Variants in GUCY1A2 observed in about 807,000 individuals in gnomAD.
The protein encoded by GUCY1A2 is guanylate cyclase soluble subunit alpha-2.
In GUCY1A2, 27 loss-of-function variants were observed where a neutral mutation model predicts 63.5. The observed-to-expected ratio is 0.43, with a 90% confidence interval of 0.31 to 0.59. The LOEUF is 0.59. Ranked by LOEUF, GUCY1A2 falls within the 20% of genes least tolerant of loss-of-function variation. GUCY1A2 has a pLI of 0.11. For synonymous variants in GUCY1A2, 364 were observed against 343.5 expected (o/e 1.06, Z -0.66); for missense variants, 768 against 913.3 (o/e 0.84, Z 2.05).
intron 6 of GUCY1A2, among the ~76,000 whole-genome samples, chr11:106,737,119 G>A (rs992078198): frequency 6.6e-6 from 1 of 152,106 alleles, no homozygotes; most frequent in Admixed American, 6.6e-5. Context: ...CATTGTAGAC[G>A]CACATTTTGA....
intron 6 of GUCY1A2, among the ~76,000 whole-genome samples, chr11:106,736,951 T>A (rs554873091): frequency 3.3e-5 from 5 of 152,112 alleles, no homozygotes; most frequent in Non-Finnish European, 2.9e-5. Flanking sequence ...TACCACCACA[T>A]TGCTCTCAGG....
intron 6 of GUCY1A2, among the ~76,000 whole-genome samples, chr11:106,713,510 T>C (rs1211820090): frequency 1.5e-5 from 2 of 135,014 alleles, no homozygotes; most frequent in Admixed American, 1.5e-4. Context: ...TTTTTTTTTT[T>C]TTTTTTTTTT....
intron 7 of GUCY1A2, among the ~76,000 whole-genome samples, chr11:106,705,753 G>T (rs545697585): frequency 6.6e-6 from 1 of 152,062 alleles, no homozygotes; most frequent in Non-Finnish European, 1.5e-5. Flanking sequence ...CCAGCTACTT[G>T]GGAGGCTAAG....
chr11:106,981,729 G>A (rs527535182), intron 2 of GUCY1A2, among the ~76,000 whole-genome samples: 41 of 148,988 alleles, frequency 2.8e-4, no homozygotes, highest in Non-Finnish European at 4.9e-4. Flanking sequence ...TCTAGAGACA[G>A]AAATTTCAGT....
At chr11:106,780,964 G>GTGTT (rs1864448768) in intron 5 of GUCY1A2, among the ~76,000 whole-genome samples, 1 of 152,198 alleles carries the variant, frequency 6.6e-6, no homozygotes, top group Admixed American at 6.5e-5. Flanking sequence ...ATATGTGGAA[G>GTGTT]TGTTAGTGGA....
At chr11:106,780,804 T>C (rs1317484788) in intron 5 of GUCY1A2, among the ~76,000 whole-genome samples, 1 of 152,198 alleles carries the variant, frequency 6.6e-6, no homozygotes, top group African/African-American at 2.4e-5. Flanking sequence ...TAATATATCT[T>C]TGTGATTTTT....
At chr11:106,694,611 A>G (rs994556506) in intron 7 of GUCY1A2, among the ~76,000 whole-genome samples, 2 of 152,186 alleles carry the variant, frequency 1.3e-5, no homozygotes, top group African/African-American at 4.8e-5. Context: ...TGTCAAGAAA[A>G]TGGCCCAGTA....
intron 5 of GUCY1A2, among the ~76,000 whole-genome samples, chr11:106,798,334 T>A (rs1014197858): frequency 2.6e-5 from 4 of 152,066 alleles, no homozygotes; most frequent in African/African-American, 9.7e-5. Context: ...CTACCAGAGG[T>A]ACAAGGAGGA....
intron 4 of GUCY1A2, among the ~76,000 whole-genome samples, chr11:106,897,720 C>T (rs1565324387): frequency 6.6e-6 from 1 of 150,514 alleles, no homozygotes; most frequent in Admixed American, 6.6e-5. Flanking sequence ...AAATGGATCA[C>T]AGACCAAATG....
In GUCY1A2 at chr11:106,687,066, G is replaced by C. The variant is rs1042447090; in HGVS notation, c.*483C>G. On this transcript the variant is annotated 3_prime_UTR_variant, in exon 8 of 8. Coordinates refer to ENST00000526355, the MANE Select transcript of GUCY1A2 (RefSeq NM_000855.3). ...ATTTTGCCGAGTTACAATTCTTCCAGTTGGGAAGTTTACCACACTGCCATG... is the reference window on the plus strand; with the variant it reads ...ATTTTGCCGAGTTACAATTCTTCCACTTGGGAAGTTTACCACACTGCCATG... 2 of 221,784 alleles carry C rather than the reference G, an allele frequency of 9.0e-6. No homozygotes were observed. The highest frequency in any genetic ancestry group is 4.5e-5 in the African/African-American group (2 of 44,676). The allele number at this position is 221,784 out of a possible 1,614,324, so 13.7% of individuals were successfully genotyped here.
At chr11:106,771,893 TAA>T (rs2135399198) in intron 6 of GUCY1A2, among the ~76,000 whole-genome samples, 1 of 152,332 alleles carries the variant, frequency 6.6e-6, no homozygotes, top group South Asian at 2.1e-4. Context: ...TCACTTTTTA[TAA>T]AAGCAGTTCT....
At chr11:106,978,364 T>G (rs954032982) in intron 3 of GUCY1A2, among the ~76,000 whole-genome samples, 1 of 152,206 alleles carries the variant, frequency 6.6e-6, no homozygotes, top group Non-Finnish European at 1.5e-5. Context: ...ACTATTCACA[T>G]GTGAATATCT....
rs1284715346 is a variant in GUCY1A2 at position 106,684,344 on chromosome 11, A to G, written c.*3205T>C. On this transcript the variant is annotated 3_prime_UTR_variant, in exon 8 of 8. Transcript: ENST00000526355. ...TGAATATAAAGGCAGATTGTACGCA[A>G]TTGGGTCCCATGTTACCTGGAAGCT... 5.3e-5 allele frequency: 10 copies of G among 189,686 alleles called. No homozygotes were observed. Among genetic ancestry groups the G allele is most frequent in the Non-Finnish European group, 1.1e-4 (10 of 90,346 alleles). 11.8% of individuals were successfully genotyped at this position (189,686 alleles called of 1,614,324 possible). A position where few individuals can be genotyped will look rare whatever the true frequency, so the allele number is the denominator to read the frequency against.
chr11:106,772,366 C>T (rs1864273188), intron 6 of GUCY1A2, among the ~76,000 whole-genome samples: 1 of 152,232 alleles, frequency 6.6e-6, no homozygotes, highest in South Asian at 2.1e-4. Context: ...ATCAACTCTA[C>T]TACAACACCC....
At chr11:106,759,693 G>C (rs1423250416) in intron 6 of GUCY1A2, among the ~76,000 whole-genome samples, 1 of 152,206 alleles carries the variant, frequency 6.6e-6, no homozygotes, top group Non-Finnish European at 1.5e-5. Flanking sequence ...CAGCACTTTG[G>C]GAGGCCGAGG....
At chr11:106,690,596 G>T (rs185848274) in intron 7 of GUCY1A2, among the ~76,000 whole-genome samples, 1 of 152,228 alleles carries the variant, frequency 6.6e-6, no homozygotes, top group East Asian at 1.9e-4. Flanking sequence ...TAATACCTTG[G>T]TGATAAAATA....
chr11:106,810,335 T>A lies in GUCY1A2; in HGVS notation c.1350A>T (p.Arg450=). The A allele has an allele frequency of 6.2e-7, 1 of 1,613,894 alleles. No individual in the cohort carries two copies. Among genetic ancestry groups the A allele is most frequent in the Non-Finnish European group, 8.5e-7 (1 of 1,179,904 alleles). Residue 450 remains arginine (R), a synonymous_variant, in exon 5 of 8, where the codon CGA becomes CGT. Coordinates refer to ENST00000526355, the MANE Select transcript of GUCY1A2 (RefSeq NM_000855.3). ...LSDIPIHDAT[R]DVILVGEQAK... ...CCTGCTCACCAACCAAAATGACATC[T>A]CGGGTGGCATCATGGATAGGGATGT...
At chr11:106,903,486 G>C (rs763951406) in intron 4 of GUCY1A2, among the ~76,000 whole-genome samples, 1 of 152,092 alleles carries the variant, frequency 6.6e-6, no homozygotes, top group Non-Finnish European at 1.5e-5. Context: ...AATTTACCTT[G>C]AAGTCTTTGG....
At chr11:106,699,775 T>C (rs1862784957) in intron 7 of GUCY1A2, among the ~76,000 whole-genome samples, 1 of 151,848 alleles carries the variant, frequency 6.6e-6, no homozygotes, top group Non-Finnish European at 1.5e-5. Flanking sequence ...AAATATGTCT[T>C]TTTTCTTTTT....
Sources: allele counts gnomAD v4.1 joint callset (sites outside exome capture counted in the v4.1 genomes callset), GRCh38; gene constraint gnomAD v4.1.1; transcripts MANE v1.5; gene names NCBI Gene and HGNC (gene_info 2026-07-23, HGNC 2026-07-21).